The following SYCP2 variants were observed in gnomAD, a reference collection of about 807,000 sequenced individuals.
SYCP2 encodes the protein synaptonemal complex protein 2.
SYCP2 carries 55 observed loss-of-function variants against 211.3 expected under a neutral mutation model. The observed-to-expected ratio is 0.26, with a 90% confidence interval of 0.21 to 0.33. The LOEUF is 0.33. Ranked by LOEUF, SYCP2 falls within the 10% of genes least tolerant of loss-of-function variation. SYCP2 has a pLI of 1.00. For synonymous variants in SYCP2, 570 were observed against 555.2 expected (o/e 1.03, Z -0.37); for missense variants, 1,731 against 1,752.0 (o/e 0.99, Z 0.21).
At chr20:59,883,563 A>G (rs1374592372) in intron 26 of SYCP2, among the ~76,000 whole-genome samples, 1 of 152,112 alleles carries the variant, frequency 6.6e-6, no homozygotes, top group East Asian at 1.9e-4. Flanking sequence ...AACCAAGACA[A>G]GAGGACATTA....
Position 59,868,853 on chromosome 20 carries a change from C to G in SYCP2, c.3814G>C (p.Asp1272His). The G allele has an allele frequency of 6.2e-7, 1 of 1,609,604 alleles. No homozygotes were observed. Reference sequence around the variant, plus strand: ...TACAAACCTGATACATGAGTAGCATCACAGGGCATGTCAAACCACGTTTTC... The same window carrying G: ...TACAAACCTGATACATGAGTAGCATGACAGGGCATGTCAAACCACGTTTTC... ...REKTWFDMPCDATHVSGPTQH... is the reference protein window; with the variant it reads ...REKTWFDMPCHATHVSGPTQH... The change falls in exon 37 of 45, where the codon GAT (aspartate) becomes CAT (histidine). Residue 1272 changes from aspartate (D) to histidine (H), a missense_variant. Asp to His is a moderately conservative substitution (Grantham distance 81). This residue lies in a region of SYCP2 where 1,387 missense variants were observed against 1,351.3 expected (regional missense o/e 1.03). Transcript: ENST00000357552.
At chr20:59,866,057 A>G (rs1181528005) in intron 41 of SYCP2, among the ~76,000 whole-genome samples, 192 bp from the exon 42 acceptor site, 1 of 151,854 alleles carries the variant, frequency 6.6e-6, no homozygotes, top group African/African-American at 2.4e-5. Context: ...TTCAAATTAA[A>G]ATAAAATTGA....
chr20:59,902,123 A>G (rs2060126423), intron 15 of SYCP2, among the ~76,000 whole-genome samples: 2 of 152,108 alleles, frequency 1.3e-5, no homozygotes, highest in East Asian at 3.9e-4. Context: ...TGAGAATACT[A>G]TTTTCTTAAT....
chr20:59,868,491 C>T lies in SYCP2; in HGVS notation c.3910G>A (p.Glu1304Lys), dbSNP rs201734541. Residue 1304 changes from glutamate (E) to lysine (K), a missense_variant, in exon 38 of 45, where the codon GAG becomes AAG. Glu to Lys is a moderately conservative substitution (Grantham distance 56). Transcript: ENST00000357552. ...AAGTTTGCTCTCCTTTCTCCTTTCT[C>T]TTCCATTTCTACTTCATTGGAATTA... is the stretch of plus-strand genomic sequence containing the variant. The part of the protein sequence containing the change: ...LSNSNEVEME[E>K]KGERRANLLP... The T allele has an allele frequency of 2.5e-6, 4 of 1,611,318 alleles. No homozygotes were observed. The African/African-American group carries it at 5.3e-5, about 22-fold the overall frequency.
At chr20:59,893,419 A>C in intron 21 of SYCP2, 105 bp downstream of exon 21, 2 of 835,448 alleles carry the variant, frequency 2.4e-6, no homozygotes, top group South Asian at 1.8e-5. Flanking sequence ...ATTCTTTGTA[A>C]ATCTTTTTCA....
chr20:59,864,856 A>C lies in SYCP2; in HGVS notation c.4516-468T>G, dbSNP rs114230988. ...TTAAAAATGCCTTTCATCTTTGAGAAAACTCCAAAGACATTATCACTTAAA... is the reference window on the plus strand; with the variant it reads ...TTAAAAATGCCTTTCATCTTTGAGACAACTCCAAAGACATTATCACTTAAA... On this transcript the variant is annotated intron_variant, in intron 44 of 44. Coordinates refer to ENST00000357552, the MANE Select transcript of SYCP2 (RefSeq NM_014258.4). Among the ~76,000 whole-genome samples, 522 of 152,132 alleles carry C rather than the reference A, an allele frequency of 3.4e-3. 3 individuals carry two copies. Among genetic ancestry groups the C allele is most frequent in the African/African-American group, 0.012 (504 of 41,558 alleles).
intron 1 of SYCP2, among the ~76,000 whole-genome samples, chr20:59,932,611 T>G (rs1188758092): frequency 2.1e-5 from 3 of 143,924 alleles, no homozygotes; most frequent in African/African-American, 5.9e-5. Flanking sequence ...AAGATGGAGG[T>G]TGCAGTGACG....
intron 12 of SYCP2, among the ~76,000 whole-genome samples, chr20:59,913,230 G>A (rs955903449): frequency 1.3e-5 from 2 of 152,072 alleles, no homozygotes; most frequent in Non-Finnish European, 2.9e-5. Flanking sequence ...AAACATATGA[G>A]GTAGTTATTA....
chr20:59,923,727 C>A (rs1056627288), intron 2 of SYCP2, among the ~76,000 whole-genome samples: 3 of 151,652 alleles, frequency 2.0e-5, no homozygotes, highest in African/African-American at 4.8e-5. Flanking sequence ...GAATGCATGT[C>A]ATCATTTCTA....
intron 15 of SYCP2, among the ~76,000 whole-genome samples, chr20:59,902,518 C>T (rs1490693292): frequency 6.6e-6 from 1 of 152,054 alleles, no homozygotes; most frequent in East Asian, 1.9e-4. Flanking sequence ...CAACCCTGCC[C>T]ACAATGTACT....
In SYCP2 at chr20:59,912,009, G is replaced by A. The variant is rs1186457139; in HGVS notation, c.877-164C>T. The stretch of plus-strand genomic sequence containing the variant: ...TAGATAAATTTAAAAACAATCAAAT[G>A]AAATGCTACTTTAATATTTTATAAA... On this transcript the variant is annotated intron_variant, in intron 13 of 44. Coordinates refer to ENST00000357552, the MANE Select transcript of SYCP2 (RefSeq NM_014258.4). The A allele has an allele frequency of 1.6e-5, 7 of 444,952 alleles. No individual in the cohort carries two copies. The Admixed American group carries it at 3.0e-4, about 19-fold the overall frequency. 27.6% of individuals were successfully genotyped at this position (444,952 alleles called of 1,614,324 possible).
In SYCP2 at chr20:59,871,930, ATTGATAAAGGATCACAGGAGAATT is replaced by A. The variant is rs563835311; in HGVS notation, c.3555+1902_3555+1925del. Among the ~76,000 whole-genome samples the A allele has an allele frequency of 2.9e-3, 439 of 152,122 alleles. 2 individuals carry two copies. Among genetic ancestry groups the A allele is most frequent in the Non-Finnish European group, 3.6e-3 (243 of 67,920 alleles). ...CCCACAGATATGGAGGGCCAACTAT[ATTGATAAAGGATCACAGGAGAATT>A]TGTGTGAATTTCACTAGTGTGAAAC... On this transcript the variant is annotated intron_variant, in intron 35 of 44. Coordinates refer to ENST00000357552, the MANE Select transcript of SYCP2 (RefSeq NM_014258.4).
At position 59,875,340 on chromosome 20, in the gene SYCP2, G is replaced by C. The variant is rs1204850058; in HGVS notation, c.3280C>G (p.Arg1094Gly). Residue 1094 changes from arginine (R) to glycine (G), a missense_variant, in exon 34 of 45, where the codon CGA becomes GGA. By Grantham distance (125) the Arg-to-Gly change is moderately radical. Around this residue, in one of 3 missense-constraint regions of SYCP2, gnomAD observed 1,387 missense variants for 1,351.3 expected, o/e 1.03. Coordinates refer to ENST00000357552, the MANE Select transcript of SYCP2 (RefSeq NM_014258.4). Reference protein sequence around the residue: ...KNSSLLKDAIRDNCLDLSPRS... With the variant: ...KNSSLLKDAIGDNCLDLSPRS... The stretch of plus-strand genomic sequence containing the variant: ...GGAGATAAGTCAAGGCAATTATCTC[G>C]TATAGCATCTTTTAGTAGAGATGAG... 5.0e-6 allele frequency: 8 copies of C among 1,611,798 alleles called. No individual in the cohort carries two copies. The highest frequency in any genetic ancestry group is 5.9e-6 in the Non-Finnish European group (7 of 1,178,582).
At chr20:59,886,572 AG>A in intron 25 of SYCP2, 134 bp downstream of exon 25, 2 of 563,636 alleles carry the variant, frequency 3.5e-6, no homozygotes, top group Non-Finnish European at 5.7e-6. Context: ...TATTTATAAA[AG>A]TATTAAGTAA....
chr20:59,891,471 A>G (rs1424763215), intron 24 of SYCP2, among the ~76,000 whole-genome samples: 1 of 151,966 alleles, frequency 6.6e-6, no homozygotes, highest in Non-Finnish European at 1.5e-5. Context: ...TAACAGTTAC[A>G]ATAGAAGACA....
intron 32 of SYCP2, 68 bp from the exon 33 acceptor site, chr20:59,877,623 TA>T (rs1187437210): frequency 9.5e-6 from 13 of 1,363,610 alleles, no homozygotes; most frequent in Middle Eastern, 2.1e-4. Flanking sequence ...CAATTTGCTA[TA>T]AAATTGGCAC....
intron 39 of SYCP2, among the ~76,000 whole-genome samples, chr20:59,866,825 T>C (rs987450419): frequency 6.6e-6 from 1 of 151,116 alleles, no homozygotes; most frequent in Non-Finnish European, 1.5e-5. Context: ...ATTGTTTTCA[T>C]AAGAACCCCA....
At chr20:59,904,657 G>A (rs2060181397) in intron 15 of SYCP2, among the ~76,000 whole-genome samples, 1 of 152,100 alleles carries the variant, frequency 6.6e-6, no homozygotes, top group Admixed American at 6.6e-5. Context: ...ATCGAGAGAG[G>A]AAACAACAGA....
At chr20:59,886,035 AAACCATG>A in intron 25 of SYCP2, 71 bp from the exon 26 acceptor site, 1 of 1,174,358 alleles carries the variant, frequency 8.5e-7, no homozygotes, top group Non-Finnish European at 1.2e-6. Context: ...ATTTTAAGAT[AAACCATG>A]TTTGTCACTA....
Sources: gnomAD v4.1 joint callset for allele counts (sites outside exome capture counted in the v4.1 genomes callset) on GRCh38, gnomAD v4.1.1 for gene constraint, gnomAD v4.1.1 regional missense constraint, MANE v1.5 for transcripts, NCBI Gene and HGNC (gene_info 2026-07-23, HGNC 2026-07-21) for gene names.